Variants in IRAK3 observed in about 807,000 individuals in gnomAD.
IRAK3 encodes interleukin-1 receptor-associated kinase 3.
In IRAK3, 57 loss-of-function variants were observed where a neutral mutation model predicts 56.6. The observed-to-expected ratio is 1.01, with a 90% confidence interval of 0.81 to 1.26. The LOEUF (loss-of-function observed/expected upper bound fraction) is 1.26, where lower values mean the gene tolerates loss of function less well. Ranked by LOEUF, IRAK3 falls within the 50% of genes most tolerant of loss-of-function variation. The pLI, the probability that IRAK3 is intolerant of heterozygous loss-of-function variation, is 0.00. For missense variants in IRAK3, 703 were observed against 719.0 expected, an observed-to-expected ratio of 0.98 and a Z score of 0.25; for synonymous variants, 258 against 255.7, an observed-to-expected ratio of 1.01 and a Z score of -0.09.
intron 8 of IRAK3, among the ~76,000 whole-genome samples, chr12:66,236,960 T>A (rs1225270802): frequency 6.6e-6 from 1 of 152,088 alleles, no homozygotes; most frequent in Non-Finnish European, 1.5e-5. Flanking sequence ...TCCCTAGTCT[T>A]TCATCTGTCC....
In IRAK3 at chr12:66,240,603, CAG is replaced by C. The variant is rs545085445; in HGVS notation, c.888-3882_888-3881del. On this transcript the variant is annotated intron_variant, in intron 8 of 11. Coordinates refer to ENST00000261233, the MANE Select transcript of IRAK3 (RefSeq NM_007199.3). Reference sequence around the variant, plus strand: ...GCAGGGCATCTGGTGAGGGGTGTCTCAGTGTTGCAACAGCCGTAATACAGACA... The same window carrying C: ...GCAGGGCATCTGGTGAGGGGTGTCTCTGTTGCAACAGCCGTAATACAGACA... 6.5e-4 allele frequency among the ~76,000 whole-genome samples: 99 copies of C among 151,996 alleles called. 1 individual carries two copies. In the South Asian group the frequency reaches 0.019, roughly 29 times the overall value.
At chr12:66,228,711 A>G (rs958956150) in intron 8 of IRAK3, among the ~76,000 whole-genome samples, 4 of 152,290 alleles carry the variant, frequency 2.6e-5, no homozygotes, top group African/African-American at 9.6e-5. Context: ...AGTGATATGT[A>G]TTATGTAGAA....
Position 66,226,856 on chromosome 12 carries a change from T to C in IRAK3, c.768+19T>C. The C allele has an allele frequency of 7.3e-7, 1 of 1,373,926 alleles. No homozygotes were observed. Among genetic ancestry groups the C allele is most frequent in the Non-Finnish European group, 1.0e-6 (1 of 960,930 alleles). The allele number at this position is 1,373,926 out of a possible 1,614,324, so 85.1% of individuals were successfully genotyped here. A position where few individuals can be genotyped will look rare whatever the true frequency, so the allele number is the denominator to read the frequency against. On this transcript the variant is annotated intron_variant, in intron 7 of 11. Coordinates refer to ENST00000261233, the MANE Select transcript of IRAK3 (RefSeq NM_007199.3). ...GTGTGTAGTAAGTTCTATCTATTAT[T>C]CTGTCTGATCCTCTGACCCCTTGAA...
chr12:66,193,792 T>C (rs1306303392), intron 1 of IRAK3, among the ~76,000 whole-genome samples: 1 of 152,236 alleles, frequency 6.6e-6, no homozygotes, highest in South Asian at 2.1e-4. Flanking sequence ...ACAGGAGTTA[T>C]CACTGCTTAT....
intron 1 of IRAK3, among the ~76,000 whole-genome samples, chr12:66,196,054 T>G (rs1363290050): frequency 6.6e-6 from 1 of 151,906 alleles, no homozygotes; most frequent in African/African-American, 2.4e-5. Flanking sequence ...TCTCACATAC[T>G]TTATGTATGT....
chr12:66,226,698 G>C (rs762739168), intron 6 of IRAK3, 25 bp from the exon 7 acceptor site: 4 of 1,360,086 alleles, frequency 2.9e-6, no homozygotes, highest in South Asian at 1.2e-5. Context: ...CAATTTGATG[G>C]CTTTAAAACA....
intron 6 of IRAK3, among the ~76,000 whole-genome samples, chr12:66,223,358 T>C (rs1207603237): frequency 1.3e-5 from 2 of 152,048 alleles, no homozygotes; most frequent in East Asian, 3.9e-4. Flanking sequence ...TTTTTGCCAT[T>C]AAAAGTTATC....
intron 6 of IRAK3, among the ~76,000 whole-genome samples, chr12:66,224,606 G>T (rs1245133533): frequency 6.6e-6 from 1 of 151,984 alleles, no homozygotes; most frequent in African/African-American, 2.4e-5. Context: ...CTCCTTTCTC[G>T]AGGGAAGGGG....
chr12:66,194,303 C>T (rs2052428291), intron 1 of IRAK3, among the ~76,000 whole-genome samples: 2 of 152,178 alleles, frequency 1.3e-5, no homozygotes, highest in African/African-American at 4.8e-5. Context: ...CCCCACTGCT[C>T]TGTTCCTCTT....
At chr12:66,193,801 A>G (rs1358548186) in intron 1 of IRAK3, among the ~76,000 whole-genome samples, 1 of 152,242 alleles carries the variant, frequency 6.6e-6, no homozygotes, top group Non-Finnish European at 1.5e-5. Context: ...ATCACTGCTT[A>G]TGTTAACCAT....
intron 8 of IRAK3, among the ~76,000 whole-genome samples, chr12:66,232,559 T>A (rs950577497): frequency 1.1e-4 from 16 of 152,228 alleles, no homozygotes; most frequent in African/African-American, 3.1e-4. Flanking sequence ...TGACAGTCAG[T>A]CCCCAGCAGC....
intron 6 of IRAK3, among the ~76,000 whole-genome samples, chr12:66,218,838 C>T (rs1592588752): frequency 6.6e-6 from 1 of 152,086 alleles, no homozygotes; most frequent in South Asian, 2.1e-4. Context: ...TTTCCCAACC[C>T]CCAGCCCTTG....
intron 7 of IRAK3, among the ~76,000 whole-genome samples, chr12:66,227,825 G>T (rs1290230606): frequency 6.6e-6 from 1 of 151,574 alleles, no homozygotes; most frequent in Non-Finnish European, 1.5e-5. Context: ...TTGAATAAAT[G>T]TCATGATTCC....
At chr12:66,218,476 C>T (rs1392516943) in intron 6 of IRAK3, among the ~76,000 whole-genome samples, 3 of 152,118 alleles carry the variant, frequency 2.0e-5, no homozygotes, top group Non-Finnish European at 4.4e-5. Flanking sequence ...TTTATCATAA[C>T]AAATTGTCCT....
intron 11 of IRAK3, 96 bp downstream of exon 11, chr12:66,245,358 T>C (rs939126931): frequency 1.5e-5 from 19 of 1,305,654 alleles, no homozygotes; most frequent in East Asian, 2.3e-5. Context: ...TATTTGTTAA[T>C]GAGACAAATC....
chr12:66,227,009 G>T (rs2052793791), intron 7 of IRAK3, among the ~76,000 whole-genome samples, 172 bp downstream of exon 7: 1 of 152,142 alleles, frequency 6.6e-6, no homozygotes, highest in Non-Finnish European at 1.5e-5. Flanking sequence ...CTTTTAGAAG[G>T]CTGAGCAAAT....
chr12:66,224,930 C>T (rs1008621796), intron 6 of IRAK3, among the ~76,000 whole-genome samples: 6 of 152,114 alleles, frequency 3.9e-5, no homozygotes, highest in African/African-American at 9.7e-5. Context: ...ATCTAAAACC[C>T]TACTGATTTA....
chr12:66,218,158 T>C (rs2052696706), intron 6 of IRAK3, among the ~76,000 whole-genome samples: 1 of 152,196 alleles, frequency 6.6e-6, no homozygotes, highest in Admixed American at 6.5e-5. Context: ...ACCAGTTCCT[T>C]GTATATATTT....
chr12:66,244,906 A>G, intron 9 of IRAK3, 42 bp from the exon 10 acceptor site: 1 of 1,437,182 alleles, frequency 7.0e-7, no homozygotes, highest in Non-Finnish European at 9.8e-7. Context: ...TTGTGTGTAT[A>G]TTTTTAAGAT....
Sources: gnomAD v4.1 joint callset for allele counts (sites outside exome capture counted in the v4.1 genomes callset) on GRCh38, gnomAD v4.1.1 for gene constraint, MANE v1.5 for transcripts, NCBI Gene and HGNC (gene_info 2026-07-23, HGNC 2026-07-21) for gene names.